NRXN1: variants seen among roughly 807,000 people sequenced by gnomAD.
The protein encoded by NRXN1 is neurexin 1.
Under a neutral mutation model 150.9 loss-of-function variants are expected in NRXN1, and 39 were observed. That is an observed-to-expected ratio of 0.26 (90% CI 0.20 to 0.34). The LOEUF (loss-of-function observed/expected upper bound fraction) is 0.34. Among genes scored for constraint, NRXN1 ranks in the 10% least tolerant of loss-of-function variants. The pLI is 1.00. For synonymous variants in NRXN1, 924 were observed against 757.0 expected, an observed-to-expected ratio of 1.22 and a Z score of -3.62; for missense variants, 1,815 against 1,949.9, an observed-to-expected ratio of 0.93 and a Z score of 1.30.
chr2:50,714,892 A>G (rs1474776794), intron 5 of NRXN1, among the ~76,000 whole-genome samples: 1 of 152,208 alleles, frequency 6.6e-6, no homozygotes, highest in Non-Finnish European at 1.5e-5. Context: ...TTTACAGCAC[A>G]GATACATTAG....
At chr2:50,192,020 T>G (rs184213102) in intron 18 of NRXN1, among the ~76,000 whole-genome samples, 1 of 150,954 alleles carries the variant, frequency 6.6e-6, no homozygotes, top group African/African-American at 2.4e-5. Flanking sequence ...TTTCATAAAG[T>G]TTTTTTTTAA....
At chr2:50,210,003 C>G (rs1463311781) in intron 18 of NRXN1, among the ~76,000 whole-genome samples, 1 of 151,956 alleles carries the variant, frequency 6.6e-6, no homozygotes, top group African/African-American at 2.4e-5. Flanking sequence ...TCTCAACTCT[C>G]TAACAGTATA....
At chr2:50,052,692 C>A (rs1470264161) in intron 21 of NRXN1, among the ~76,000 whole-genome samples, 1 of 152,024 alleles carries the variant, frequency 6.6e-6, no homozygotes, top group East Asian at 1.9e-4. Flanking sequence ...ACACAAAATA[C>A]CTCATATTTT....
intron 5 of NRXN1, among the ~76,000 whole-genome samples, chr2:50,849,283 A>G (rs1448738532): frequency 6.6e-6 from 1 of 152,202 alleles, no homozygotes; most frequent in Non-Finnish European, 1.5e-5. Flanking sequence ...AAGAGGATTT[A>G]CTTTAGACCA....
chr2:50,096,045 C>A (rs906349486), intron 18 of NRXN1, among the ~76,000 whole-genome samples: 1 of 149,484 alleles, frequency 6.7e-6, no homozygotes, highest in African/African-American at 2.5e-5. Flanking sequence ...TGGAGATGTT[C>A]AGTTGTTGCC....
intron 5 of NRXN1, among the ~76,000 whole-genome samples, chr2:50,691,617 A>G (rs960299255): frequency 6.6e-6 from 1 of 152,202 alleles, no homozygotes; most frequent in Non-Finnish European, 1.5e-5. Context: ...CTGCTTTTGC[A>G]GTGCAGAACA....
At chr2:50,238,066 T>A (rs139880183) in intron 17 of NRXN1, among the ~76,000 whole-genome samples, 296 of 152,174 alleles carry the variant, frequency 1.9e-3, no homozygotes, top group African/African-American at 6.9e-3. Flanking sequence ...CACAGAACTG[T>A]GAGTCAATTA....
intron 5 of NRXN1, among the ~76,000 whole-genome samples, chr2:50,773,197 C>T (rs907081961): frequency 6.6e-6 from 1 of 152,148 alleles, no homozygotes; most frequent in Non-Finnish European, 1.5e-5. Flanking sequence ...GGTAGCACTA[C>T]TCCCCAATCC....
intron 21 of NRXN1, among the ~76,000 whole-genome samples, chr2:50,013,003 C>T (rs1685963443): frequency 6.6e-6 from 1 of 151,934 alleles, no homozygotes; most frequent in Admixed American, 6.6e-5. Flanking sequence ...GAAACCCTAC[C>T]TGCTTGGGAT....
chr2:50,565,304 T>C (rs1413287297), intron 8 of NRXN1, among the ~76,000 whole-genome samples: 3 of 152,002 alleles, frequency 2.0e-5, no homozygotes, highest in African/African-American at 4.8e-5. Flanking sequence ...AAGAAAATAG[T>C]CTCATGTAAT....
At chr2:50,531,180 C>CA in intron 11 of NRXN1, 47 bp downstream of exon 11, 2 of 1,514,566 alleles carry the variant, frequency 1.3e-6, no homozygotes, top group Non-Finnish European at 1.8e-6. Context: ...GCAAATTGAA[C>CA]AAAAAGTAAA....
At chr2:50,475,869 G>C (rs1017551884) in intron 15 of NRXN1, among the ~76,000 whole-genome samples, 8 of 97,034 alleles carry the variant, frequency 8.2e-5, no homozygotes. Flanking sequence ...TTGAAGTGAC[G>C]GGTTTAAAAA....
intron 21 of NRXN1, among the ~76,000 whole-genome samples, chr2:50,025,874 T>C (rs1172244339): frequency 6.6e-6 from 1 of 152,174 alleles, no homozygotes; most frequent in Non-Finnish European, 1.5e-5. Flanking sequence ...CGTCAAGTCT[T>C]ACTCCCCAAT....
rs139433171 is a variant in NRXN1, at chr2:50,419,815, G to C, written c.3364+45627C>G. Reference sequence around the variant, plus strand: ...CCATTATATGCTTTTATGAGAGATGGTTAGTGAATTTTACACTTAAATAGA... The same window carrying C: ...CCATTATATGCTTTTATGAGAGATGCTTAGTGAATTTTACACTTAAATAGA... On this transcript the variant is annotated intron_variant, in intron 17 of 22. Coordinates refer to ENST00000401669, the MANE Select transcript of NRXN1 (RefSeq NM_001330078.2). 6.9e-3 allele frequency among the ~76,000 whole-genome samples: 1,053 copies of C among 152,078 alleles called. 14 individuals carry two copies. Among genetic ancestry groups the C allele is most frequent in the African/African-American group, 0.024 (1,014 of 41,524 alleles).
intron 21 of NRXN1, among the ~76,000 whole-genome samples, chr2:50,030,218 C>G (rs1052696241): frequency 2.6e-5 from 4 of 152,110 alleles, no homozygotes; most frequent in Admixed American, 2.6e-4. Context: ...TTCCTTAGAG[C>G]CTTTACTTTA....
At chr2:50,886,640 A>G (rs1427626372) in intron 5 of NRXN1, among the ~76,000 whole-genome samples, 2 of 151,434 alleles carry the variant, frequency 1.3e-5, no homozygotes, top group Admixed American at 6.6e-5. Context: ...TATTCTATCA[A>G]TAGTCATTTG....
chr2:50,187,950 T>A (rs2061195466), intron 18 of NRXN1, among the ~76,000 whole-genome samples: 1 of 152,176 alleles, frequency 6.6e-6, no homozygotes, highest in Non-Finnish European at 1.5e-5. Flanking sequence ...GAGACTTTGC[T>A]GAAGTTGCTT....
chr2:50,928,596 T>C (rs2104365423), intron 2 of NRXN1, among the ~76,000 whole-genome samples: 1 of 152,146 alleles, frequency 6.6e-6, no homozygotes, highest in Middle Eastern at 3.4e-3. Context: ...GAATAGTTTA[T>C]CTCCTCATAA....
chr2:50,398,080 G>A (rs1485921370), intron 17 of NRXN1, among the ~76,000 whole-genome samples: 2 of 152,090 alleles, frequency 1.3e-5, no homozygotes, highest in Admixed American at 1.3e-4. Context: ...CCACACACAC[G>A]TTTCAGAGGC....
Sources: allele counts gnomAD v4.1 joint callset (sites outside exome capture counted in the v4.1 genomes callset), GRCh38; gene constraint gnomAD v4.1.1; transcripts MANE v1.5; gene names NCBI Gene and HGNC (gene_info 2026-07-23, HGNC 2026-07-21).